Variants in SASH1 observed in about 807,000 individuals in gnomAD.
SASH1 encodes the protein SAM and SH3 domain-containing protein 1.
A neutral mutation model predicts 125.2 loss-of-function variants in SASH1; 44 were observed. The ratio of observed to expected loss-of-function variants is 0.35; its 90% CI spans 0.28 to 0.45. The LOEUF is 0.45. SASH1 is among the 20% of genes least tolerant of loss of function. SASH1 has a pLI of 1.00. For synonymous variants in SASH1, 639 were observed against 649.1 expected, an observed-to-expected ratio of 0.98 and a Z score of 0.24; for missense variants, 1,426 against 1,614.5, an observed-to-expected ratio of 0.88 and a Z score of 2.00.
intron 5 of SASH1, among the ~76,000 whole-genome samples, chr6:148,469,412 G>A (rs1777995314): frequency 6.6e-6 from 1 of 152,212 alleles, no homozygotes; most frequent in Admixed American, 6.5e-5. Flanking sequence ...TGGGAGAAGG[G>A]AGAAGGGAAT....
intron 4 of SASH1, among the ~76,000 whole-genome samples, chr6:148,456,868 C>CATGACAATA (rs1777376430): frequency 1.7e-5 from 1 of 58,104 alleles, no homozygotes; most frequent in African/African-American, 5.0e-5. Context: ...CAGAGTGTCT[C>CATGACAATA]ATAACAATAA....
At chr6:148,313,611 C>G (rs1780394745) in intron 1 of SASH1, among the ~76,000 whole-genome samples, 3 of 152,182 alleles carry the variant, frequency 2.0e-5, no homozygotes, top group Non-Finnish European at 4.4e-5. Flanking sequence ...TACCCTTCCA[C>G]TGCCCCCACT....
intron 2 of SASH1, among the ~76,000 whole-genome samples, chr6:148,418,331 A>G (rs767264836): frequency 6.6e-6 from 1 of 152,220 alleles, no homozygotes; most frequent in Non-Finnish European, 1.5e-5. Flanking sequence ...AAACAAGGAC[A>G]AATGGCAGTC....
chr6:148,356,523 G>GTTTTTTT (rs1562346767), intron 1 of SASH1, among the ~76,000 whole-genome samples: 27 of 134,952 alleles, frequency 2.0e-4, no homozygotes, highest in South Asian at 7.2e-4. Context: ...TTGAGACTGG[G>GTTTTTTT]TTTTGCTCTT....
Position 148,544,307 on chromosome 6 carries a change from C to T in SASH1, c.2837C>T (p.Thr946Met), listed in dbSNP as rs375937184. 1.0e-4 allele frequency: 166 copies of T among 1,613,928 alleles called. No individual in the cohort carries two copies. Among genetic ancestry groups the T allele is most frequent in the Middle Eastern group, 1.6e-4 (1 of 6,084 alleles). ...GGAGCTAAACACGGTTTAGCAAGGA[C>T]GCCTCTGGAGGGCCACAGAAAAGGA... ...PPGAKHGLAR[T>M]PLEGHRKGHE... Residue 946 changes from threonine (T) to methionine (M), a missense_variant, in exon 18 of 20, where the codon ACG becomes ATG. This residue lies in a region of SASH1 where 634 missense variants were observed against 694.4 expected (regional missense o/e 0.91). Transcript: ENST00000367467. The surrounding 1 kb of genome is among the most constrained non-coding windows in gnomAD (Gnocchi z 6.4).
At chr6:148,309,589 A>C (rs952708612) in intron 1 of SASH1, among the ~76,000 whole-genome samples, 3 of 151,844 alleles carry the variant, frequency 2.0e-5, no homozygotes, top group Non-Finnish European at 4.4e-5. Context: ...TACAACAGGC[A>C]GGAATGAGGT....
chr6:148,377,499 C>T (rs77311741), intron 1 of SASH1, among the ~76,000 whole-genome samples: 1 of 152,274 alleles, frequency 6.6e-6, no homozygotes, highest in Non-Finnish European at 1.5e-5. Flanking sequence ...TCAGGAAGAT[C>T]TTTGACTCTC....
intron 4 of SASH1, among the ~76,000 whole-genome samples, chr6:148,447,534 T>C (rs904390884): frequency 2.0e-5 from 3 of 152,172 alleles, no homozygotes; most frequent in African/African-American, 7.2e-5. Flanking sequence ...CACATGCCTG[T>C]TGCAGTCCCT....
chr6:148,283,084 T>A (rs1031186500), intron 1 of SASH1, among the ~76,000 whole-genome samples: 1 of 152,214 alleles, frequency 6.6e-6, no homozygotes, highest in African/African-American at 2.4e-5. Flanking sequence ...AAGCTTAGAA[T>A]GTGCTTGCAG....
At chr6:148,289,625 G>A (rs543700520) in intron 1 of SASH1, among the ~76,000 whole-genome samples, 10 of 152,288 alleles carry the variant, frequency 6.6e-5, no homozygotes, top group Admixed American at 3.9e-4. Flanking sequence ...TAGAGACATA[G>A]ACAATTGTTA....
In SASH1 at chr6:148,474,862, G is replaced by A. The variant is rs554800217; in HGVS notation, c.627+640G>A. ...GTTGGAATTACAGGCATAAGCAAGC[G>A]CACCTGGCCTATAAATATCGGTTCT... On this transcript the variant is annotated intron_variant, in intron 7 of 19. Transcript: ENST00000367467. Among the ~76,000 whole-genome samples, 18 of 152,214 alleles carry A rather than the reference G, an allele frequency of 1.2e-4. No homozygotes were observed. In the South Asian group the frequency reaches 3.1e-3, roughly 26 times the overall value.
At chr6:148,381,929 G>A (rs567341815) in intron 1 of SASH1, among the ~76,000 whole-genome samples, 55 of 152,222 alleles carry the variant, frequency 3.6e-4, no homozygotes, top group African/African-American at 1.3e-3. Context: ...GAGCCACTGT[G>A]CCCAGCCTCT....
intron 1 of SASH1, among the ~76,000 whole-genome samples, chr6:148,290,351 A>G (rs1162162082): frequency 2.0e-5 from 3 of 151,212 alleles, no homozygotes; most frequent in Non-Finnish European, 4.4e-5. Context: ...TCATGCCTGT[A>G]ATCCCAGCAC....
At chr6:148,197,906 G>A in the SASH1 span, among the ~76,000 whole-genome samples, 1 of 152,198 alleles carries the variant, frequency 6.6e-6, no homozygotes, top group Non-Finnish European at 1.5e-5. Flanking sequence ...CTGGAGTGCA[G>A]TGGTGCTATC....
chr6:148,365,377 A>G lies in SASH1; in HGVS notation c.156+22154A>G, dbSNP rs560684177. Reference sequence around the variant, plus strand: ...ACAGTATTTAGGAAGCCTGATGGCCATTTTTTGTTTTATTGGATCAAATTC... The same window carrying G: ...ACAGTATTTAGGAAGCCTGATGGCCGTTTTTTGTTTTATTGGATCAAATTC... On this transcript the variant is annotated intron_variant, in intron 1 of 19. Transcript: ENST00000367467. 2.7e-5 allele frequency among the ~76,000 whole-genome samples: 4 copies of G among 149,902 alleles called. No homozygotes were observed. The South Asian group carries it at 8.5e-4, about 32-fold the overall frequency.
At chr6:148,202,395 A>G in the SASH1 span, among the ~76,000 whole-genome samples, 1 of 152,124 alleles carries the variant, frequency 6.6e-6, no homozygotes, top group Non-Finnish European at 1.5e-5. Flanking sequence ...CAAGGACTGC[A>G]GCTGGACTCA....
the SASH1 span, among the ~76,000 whole-genome samples, chr6:148,245,617 A>C: frequency 1.3e-5 from 2 of 152,148 alleles, no homozygotes; most frequent in African/African-American, 4.8e-5. Context: ...TTCGGAAGAC[A>C]TGTTAGTGAG....
chr6:148,371,937 GTA>G (rs1197592843), intron 1 of SASH1, among the ~76,000 whole-genome samples: 1 of 152,134 alleles, frequency 6.6e-6, no homozygotes, highest in Non-Finnish European at 1.5e-5. Context: ...TCCCCCAGTA[GTA>G]GTTATTCACT....
chr6:148,513,442 C>A, intron 8 of SASH1: 1 of 985,444 alleles, frequency 1.0e-6, no homozygotes, highest in South Asian at 4.7e-5. Flanking sequence ...TGAACAGATA[C>A]AACAGAGGAA....
Sources: allele counts gnomAD v4.1 joint callset (sites outside exome capture counted in the v4.1 genomes callset), GRCh38; gene constraint gnomAD v4.1.1; regional missense constraint gnomAD v4.1.1; non-coding constraint Gnocchi (gnomAD v3.1); transcripts MANE v1.5; gene names NCBI Gene and HGNC (gene_info 2026-07-23, HGNC 2026-07-21).